The following ALKBH5 variants were observed in gnomAD, a reference collection of about 807,000 sequenced individuals.
The protein encoded by ALKBH5 is RNA demethylase ALKBH5.
Under a neutral mutation model 32.1 loss-of-function variants are expected in ALKBH5, and 2 were observed. The observed-to-expected ratio is 0.06, with a 90% CI of 0.03 to 0.20. The LOEUF (loss-of-function observed/expected upper bound fraction) is 0.20, where lower values mean the gene tolerates loss of function less well. ALKBH5 is among the 10% of genes least tolerant of loss of function. ALKBH5 has a pLI of 1.00. For missense variants in ALKBH5, 352 were observed against 559.5 expected (o/e 0.63, Z 3.74); for synonymous variants, 300 against 231.7 (o/e 1.29, Z -2.68).
chr17:18,185,932 G>A (rs960338818), intron 1 of ALKBH5, among the ~76,000 whole-genome samples: 8 of 152,178 alleles, frequency 5.3e-5, no homozygotes, highest in East Asian at 1.9e-4. Context: ...GGTTTAGACC[G>A]CAGCTGTTCT....
At chr17:18,202,402 T>C (rs1003064748) in intron 2 of ALKBH5, among the ~76,000 whole-genome samples, 1 of 151,548 alleles carries the variant, frequency 6.6e-6, no homozygotes, top group African/African-American at 2.4e-5. Context: ...GGGGAGTGGG[T>C]ACTACTGCAG....
intron 2 of ALKBH5, among the ~76,000 whole-genome samples, chr17:18,200,537 G>A (rs1168318355): frequency 2.0e-5 from 3 of 152,210 alleles, no homozygotes; most frequent in Non-Finnish European, 4.4e-5. Context: ...AATGCAGCTG[G>A]AGATCCCTTT....
At chr17:18,199,182 C>T (rs765993538) in intron 2 of ALKBH5, among the ~76,000 whole-genome samples, 19 of 152,144 alleles carry the variant, frequency 1.2e-4, no homozygotes, top group Non-Finnish European at 2.2e-4. Flanking sequence ...ACAGGCTAGT[C>T]GGCTCTTTGA....
At chr17:18,197,692 C>T (rs1163040165) in intron 2 of ALKBH5, among the ~76,000 whole-genome samples, 1 of 152,214 alleles carries the variant, frequency 6.6e-6, no homozygotes, top group African/African-American at 2.4e-5. Flanking sequence ...GGAGTCTGCA[C>T]CGTTAATCAG....
At chr17:18,194,731 CTCCTT>C (rs1298456531) in intron 1 of ALKBH5, among the ~76,000 whole-genome samples, 2 of 152,176 alleles carry the variant, frequency 1.3e-5, no homozygotes, top group African/African-American at 2.4e-5. Context: ...GCCAAGGGGT[CTCCTT>C]TGTGTCATAC....
chr17:18,192,443 C>G (rs1467466401), intron 1 of ALKBH5, among the ~76,000 whole-genome samples: 1 of 152,034 alleles, frequency 6.6e-6, no homozygotes. Flanking sequence ...TAAAACTGTC[C>G]CCATTTTTAA....
chr17:18,208,037 G>A (rs1379656325), intron 3 of ALKBH5, among the ~76,000 whole-genome samples, 182 bp from the exon 4 acceptor site: 1 of 152,176 alleles, frequency 6.6e-6, no homozygotes, highest in Non-Finnish European at 1.5e-5. Context: ...CCCAAAGACT[G>A]GGATGGTCAC....
intron 1 of ALKBH5, among the ~76,000 whole-genome samples, chr17:18,190,302 C>T (rs2047165779): frequency 6.6e-6 from 1 of 152,152 alleles, no homozygotes; most frequent in African/African-American, 2.4e-5. Flanking sequence ...GTAATCCCAG[C>T]ACTTTGGGAG....
Position 18,184,100 on chromosome 17 carries a change from C to T in ALKBH5, c.-144C>T, listed in dbSNP as rs1213843726. On this transcript the variant is annotated 5_prime_UTR_variant, in exon 1 of 4. Coordinates refer to ENST00000399138, the MANE Select transcript of ALKBH5 (RefSeq NM_017758.4). ...CTACCCCACGCCCGGACCCTCGACGCCCCCCGCCGGGTCCCCCACTCACGC... is the reference window on the plus strand; with the variant it reads ...CTACCCCACGCCCGGACCCTCGACGTCCCCCGCCGGGTCCCCCACTCACGC... 3 of 765,118 alleles carry T rather than the reference C, an allele frequency of 3.9e-6. No homozygotes were observed. The highest frequency in any genetic ancestry group is 1.8e-5 in the African/African-American group (1 of 54,814). The allele number at this position is 765,118 out of a possible 1,614,324, so 47.4% of individuals were successfully genotyped here. A position where few individuals can be genotyped will look rare whatever the true frequency, so the allele number is the denominator to read the frequency against.
At chr17:18,190,319 G>A (rs1185028852) in intron 1 of ALKBH5, among the ~76,000 whole-genome samples, 1 of 152,172 alleles carries the variant, frequency 6.6e-6, no homozygotes, top group Non-Finnish European at 1.5e-5. Flanking sequence ...GGAGGCCAGG[G>A]CGGGTGGATC....
chr17:18,200,687 T>G (rs941008246), intron 2 of ALKBH5, among the ~76,000 whole-genome samples: 3 of 152,176 alleles, frequency 2.0e-5, no homozygotes, highest in African/African-American at 4.8e-5. Flanking sequence ...CAAAGAAGGC[T>G]TTCCAGATAA....
At chr17:18,195,856 A>G (rs899192471) in intron 2 of ALKBH5, among the ~76,000 whole-genome samples, 1 of 152,252 alleles carries the variant, frequency 6.6e-6, no homozygotes, top group Non-Finnish European at 1.5e-5. Flanking sequence ...GCCCAGAGTC[A>G]TAGAAGTCAG....
Position 18,184,123 on chromosome 17 carries a change from C to T in ALKBH5, c.-121C>T. 1 of 910,070 alleles carries T rather than the reference C, an allele frequency of 1.1e-6. No individual in the cohort carries two copies. Among genetic ancestry groups the T allele is most frequent in the Non-Finnish European group, 1.7e-6 (1 of 600,106 alleles). The allele number at this position is 910,070 out of a possible 1,614,324, so 56.4% of individuals were successfully genotyped here. A position where few individuals can be genotyped will look rare whatever the true frequency, so the allele number is the denominator to read the frequency against. On this transcript the variant is annotated 5_prime_UTR_variant, in exon 1 of 4. The change creates a new upstream start codon in the 5' untranslated region. Coordinates refer to ENST00000399138, the MANE Select transcript of ALKBH5 (RefSeq NM_017758.4). ...CGCCCCCCGCCGGGTCCCCCACTCA[C>T]GCATGGGGGTTCGGCGCTAAGGACC...
At chr17:18,190,395 C>CA (rs2047166319) in intron 1 of ALKBH5, among the ~76,000 whole-genome samples, 1 of 151,876 alleles carries the variant, frequency 6.6e-6, no homozygotes. Context: ...ACTAAAAATA[C>CA]AAAAATTAGC....
At position 18,184,522 on chromosome 17, in the gene ALKBH5, C is replaced by T. The variant is rs2047125616; in HGVS notation, c.279C>T (p.Arg93=). 6.2e-7 allele frequency: 1 copy of T among 1,613,206 alleles called. No individual in the cohort carries two copies. The highest frequency in any genetic ancestry group is 8.5e-7 in the Non-Finnish European group (1 of 1,179,930). The change falls in exon 1 of 4, where the codon CGC becomes CGT. Residue 93 remains arginine (R), a synonymous_variant. Coordinates refer to ENST00000399138, the MANE Select transcript of ALKBH5 (RefSeq NM_017758.4). ...RKVKSGIRQM[R]LFSQDECAKI... ...TGAAGAGCGGCATCCGCCAGATGCG[C>T]CTCTTCAGCCAGGACGAGTGCGCCA...
chr17:18,184,372 A>C lies in ALKBH5; in HGVS notation c.129A>C (p.Ala43=), dbSNP rs1029992487. The change falls in exon 1 of 4, where the codon GCA becomes GCC. Residue 43 remains alanine (A), a synonymous_variant. Coordinates refer to ENST00000399138, the MANE Select transcript of ALKBH5 (RefSeq NM_017758.4). ...CAGCCGCCGTAGCCGCCGCAGCCGC[A>C]GCCGCCGCTGCCGCCGAACCTTACC... ...AAAAAVAAAA[A]AAAAAEPYPV... is the part of the protein sequence containing the mutation. 1.8e-5 allele frequency: 28 copies of C among 1,516,900 alleles called. No individual in the cohort carries two copies. The highest frequency in any genetic ancestry group is 2.1e-4 in the Middle Eastern group (1 of 4,720). 94.0% of individuals were successfully genotyped at this position (1,516,900 alleles called of 1,614,324 possible).
rs368907171 is a variant in ALKBH5 at position 18,208,291 on chromosome 17, T to C, written c.1080T>C (p.Gly360=). The change falls in exon 4 of 4, where the codon GGT becomes GGC. Residue 360 remains glycine, a synonymous_variant. Transcript: ENST00000399138. ...TGCTGCCCACACACCGGCGGAGGGG[T>C]AGCTTCAGCTCTGAGAACTACTGGC... is the stretch of plus-strand genomic sequence containing the variant. ...SVLLPTHRRR[G]SFSSENYWRK... 2 of 1,613,894 alleles carry C rather than the reference T, an allele frequency of 1.2e-6. No homozygotes were observed. The highest frequency in any genetic ancestry group is 1.7e-6 in the Non-Finnish European group (2 of 1,179,942).
chr17:18,203,613 G>C (rs2047253890), intron 2 of ALKBH5, among the ~76,000 whole-genome samples: 1 of 152,220 alleles, frequency 6.6e-6, no homozygotes, highest in Non-Finnish European at 1.5e-5. Context: ...CTTACTGCTA[G>C]AACTGAGCCT....
At position 18,185,548 on chromosome 17, in the gene ALKBH5, G is replaced by A. The variant is rs1017635103; in HGVS notation, c.770+535G>A. Among the ~76,000 whole-genome samples, 4 of 152,166 alleles carry A rather than the reference G, an allele frequency of 2.6e-5. 1 individual carries two copies. The highest frequency in any genetic ancestry group is 5.9e-5 in the Non-Finnish European group (4 of 68,046). On this transcript the variant is annotated intron_variant, in intron 1 of 3. Transcript: ENST00000399138. The stretch of plus-strand genomic sequence containing the variant: ...GAGGGGGAGTGACTTCCCTGGAGTT[G>A]AACAGATTAGTGGTTGGGCCAGGCA...
Sources: allele counts gnomAD v4.1 joint callset (sites outside exome capture counted in the v4.1 genomes callset), GRCh38; gene constraint gnomAD v4.1.1; transcripts MANE v1.5; gene names NCBI Gene and HGNC (gene_info 2026-07-23, HGNC 2026-07-21).